Variants in MSH3 observed in about 807,000 individuals in gnomAD.
The protein encoded by MSH3 is mutS homolog 3, also known as DNA mismatch repair protein Msh3.
MSH3 carries 106 observed loss-of-function variants against 123.3 expected under a neutral mutation model. That is an observed-to-expected ratio of 0.86 (90% CI 0.73 to 1.01). The LOEUF (loss-of-function observed/expected upper bound fraction) is 1.01, where lower values mean the gene tolerates loss of function less well. Among genes scored for constraint, MSH3 ranks in the 50% least tolerant of loss-of-function variants. The pLI is 0.00. For synonymous variants in MSH3, 515 were observed against 481.4 expected (o/e 1.07, Z -0.91); for missense variants, 1,459 against 1,347.6 (o/e 1.08, Z -1.29).
At position 80,680,090 on chromosome 5, in the gene MSH3, T is replaced by TA. The variant is rs74530796; in HGVS notation, c.1340+1009dup. ...AGCTTGGCCAAAACCCCGTTTCTAC[T>TA]AAAAAAAAAAAATACAAAAATTAGC... On this transcript the variant is annotated intron_variant, in intron 8 of 23. Coordinates refer to ENST00000265081, the MANE Select transcript of MSH3 (RefSeq NM_002439.5). Among the ~76,000 whole-genome samples the TA allele has an allele frequency of 4.9e-3, 704 of 143,284 alleles. 6 individuals are homozygous for TA. The highest frequency in any genetic ancestry group is 0.016 in the African/African-American group (626 of 39,274). 94.0% of individuals were successfully genotyped at this position (143,284 alleles called of 152,430 possible). A position where few individuals can be genotyped will look rare whatever the true frequency, so the allele number is the denominator to read the frequency against.
chr5:80,806,431 A>G (rs1744892967), intron 19 of MSH3, among the ~76,000 whole-genome samples: 1 of 152,222 alleles, frequency 6.6e-6, no homozygotes, highest in African/African-American at 2.4e-5. Context: ...TGAGTTAGGA[A>G]TCTAATTTCA....
intron 13 of MSH3, among the ~76,000 whole-genome samples, chr5:80,766,212 C>T (rs879843499): frequency 2.6e-4 from 39 of 152,098 alleles, no homozygotes; most frequent in East Asian, 1.9e-4. Context: ...ATTGTGTCTC[C>T]GTTTTCCTTA....
chr5:80,723,003 G>A (rs1271717266), intron 8 of MSH3, among the ~76,000 whole-genome samples: 6 of 151,960 alleles, frequency 3.9e-5, no homozygotes, highest in African/African-American at 1.5e-4. Flanking sequence ...GCTACTTGGG[G>A]CTGATGAAGG....
At chr5:80,854,056 G>C in intron 20 of MSH3, 74 bp from the exon 21 acceptor site, 1 of 1,176,410 alleles carries the variant, frequency 8.5e-7, no homozygotes, top group Non-Finnish European at 1.3e-6. Flanking sequence ...TATATTTATT[G>C]TTCATAAAAT....
chr5:80,778,721 A>T lies in MSH3; in HGVS notation c.2320A>T (p.Thr774Ser). The T allele has an allele frequency of 6.3e-7, 1 of 1,585,358 alleles. No homozygotes were observed. Among genetic ancestry groups the T allele is most frequent in the African/African-American group, 1.3e-5 (1 of 74,454 alleles). Residue 774 changes from threonine to serine, a missense_variant and splice_region_variant, in exon 17 of 24, where the codon ACA (threonine) becomes TCA (serine). Coordinates refer to ENST00000265081, the MANE Select transcript of MSH3 (RefSeq NM_002439.5). ...IPTDWVKVGS[T>S]KAVSRFHSPF... Reference sequence around the variant, plus strand: ...TTTGTGTTCTTTCCCCTCTTCTAGCACAAAAGCTGTGAGCCGCTTTCACTC... The same window carrying T: ...TTTGTGTTCTTTCCCCTCTTCTAGCTCAAAAGCTGTGAGCCGCTTTCACTC...
At chr5:80,780,454 A>T (rs917825981) in intron 17 of MSH3, among the ~76,000 whole-genome samples, 4 of 152,228 alleles carry the variant, frequency 2.6e-5, no homozygotes, top group African/African-American at 9.6e-5. Flanking sequence ...TCCAAGGGTA[A>T]GGGTTGGAGC....
At chr5:80,837,125 A>G (rs529495906) in intron 20 of MSH3, among the ~76,000 whole-genome samples, 7 of 152,200 alleles carry the variant, frequency 4.6e-5, no homozygotes, top group Non-Finnish European at 1.0e-4. Context: ...AAACATTGTA[A>G]GTTTTTAAGC....
intron 10 of MSH3, among the ~76,000 whole-genome samples, chr5:80,729,884 A>G (rs1158342519): frequency 1.3e-5 from 2 of 152,130 alleles, no homozygotes; most frequent in African/African-American, 2.4e-5. Context: ...TCCAGGGTGC[A>G]TCAGCTCTGT....
chr5:80,869,335 A>C (rs1247288825), intron 22 of MSH3, among the ~76,000 whole-genome samples: 1 of 152,200 alleles, frequency 6.6e-6, no homozygotes, highest in Non-Finnish European at 1.5e-5. Flanking sequence ...AATAATGTCC[A>C]TTTAAGAAAT....
chr5:80,781,985 A>G lies in MSH3; in HGVS notation c.2435+3149A>G, dbSNP rs146245112. On this transcript the variant is annotated intron_variant, in intron 17 of 23. Transcript: ENST00000265081. ...AGTGAAGAAAATCATGTAAAGTAAA[A>G]GTATGATACAGTTTTATATGTGTAT... Among the ~76,000 whole-genome samples the G allele has an allele frequency of 2.0e-3, 305 of 152,340 alleles. 2 individuals are homozygous for G. The highest frequency in any genetic ancestry group is 7.0e-3 in the African/African-American group (290 of 41,586).
intron 20 of MSH3, among the ~76,000 whole-genome samples, chr5:80,832,454 T>A (rs1439636545): frequency 6.6e-6 from 1 of 152,076 alleles, no homozygotes; most frequent in East Asian, 1.9e-4. Context: ...ACTCTGTCTC[T>A]AGTAAAAATA....
At chr5:80,767,828 A>C in intron 13 of MSH3, 105 bp from the exon 14 acceptor site, 1 of 854,690 alleles carries the variant, frequency 1.2e-6, no homozygotes, top group Non-Finnish European at 1.9e-6. Context: ...AGTTAATAGA[A>C]AATTTAAACT....
chr5:80,688,665 A>G (rs2112826335), intron 8 of MSH3, among the ~76,000 whole-genome samples: 1 of 152,320 alleles, frequency 6.6e-6, no homozygotes, highest in South Asian at 2.1e-4. Context: ...ATTGTTATGC[A>G]AATTAGGTAT....
intron 8 of MSH3, among the ~76,000 whole-genome samples, chr5:80,724,890 A>G (rs979821297): frequency 6.6e-6 from 1 of 152,136 alleles, no homozygotes; most frequent in Non-Finnish European, 1.5e-5. Flanking sequence ...AAATACTCAC[A>G]ATGTGCTAGG....
intron 18 of MSH3, among the ~76,000 whole-genome samples, chr5:80,789,354 A>G (rs904013623): frequency 6.6e-6 from 1 of 151,330 alleles, no homozygotes; most frequent in Admixed American, 6.6e-5. Context: ...TTTACTCAGA[A>G]GACACTGTAG....
At chr5:80,853,100 C>T (rs1745856089) in intron 20 of MSH3, among the ~76,000 whole-genome samples, 1 of 152,006 alleles carries the variant, frequency 6.6e-6, no homozygotes. Flanking sequence ...GACATTATTG[C>T]TGCAAGGTGC....
intron 13 of MSH3, among the ~76,000 whole-genome samples, chr5:80,766,834 A>G (rs929038226): frequency 3.3e-5 from 5 of 152,060 alleles, no homozygotes; most frequent in African/African-American, 1.2e-4. Flanking sequence ...CCACCCTTCC[A>G]TACCTACTAC....
intron 17 of MSH3, among the ~76,000 whole-genome samples, chr5:80,782,343 C>T (rs1367587094): frequency 2.2e-5 from 2 of 91,464 alleles, no homozygotes; most frequent in Non-Finnish European, 4.4e-5. Flanking sequence ...CTATACTGAA[C>T]ACATACAGGC....
intron 15 of MSH3, 30 bp downstream of exon 15, chr5:80,769,033 T>C (rs372818769): frequency 6.3e-7 from 1 of 1,582,226 alleles, no homozygotes; most frequent in African/African-American, 1.3e-5. Context: ...TATTTTCTAT[T>C]AGTTTTACTC....
Sources: gnomAD v4.1 joint callset for allele counts (sites outside exome capture counted in the v4.1 genomes callset) on GRCh38, gnomAD v4.1.1 for gene constraint, MANE v1.5 for transcripts, NCBI Gene and HGNC (gene_info 2026-07-23, HGNC 2026-07-21) for gene names.